ULBP1: variants seen among roughly 807,000 people sequenced by gnomAD.
ULBP1 encodes the protein UL16 binding protein 1.
ULBP1 carries 28 observed loss-of-function variants against 25.3 expected under a neutral mutation model. That is an observed-to-expected ratio of 1.10 (90% CI 0.82 to 1.51). ULBP1 has a LOEUF of 1.51. ULBP1 is among the 40% of genes most tolerant of loss of function. The pLI is 0.00. For missense variants in ULBP1, 348 were observed against 290.9 expected (o/e 1.20, Z -1.43); for synonymous variants, 129 against 103.0 (o/e 1.25, Z -1.53).
At chr6:149,969,645 T>C (rs1411121934) in intron 3 of ULBP1, among the ~76,000 whole-genome samples, 1 of 152,188 alleles carries the variant, frequency 6.6e-6, no homozygotes. Flanking sequence ...TTCATTAGTG[T>C]TCCTTCCTCC....
intron 1 of ULBP1, among the ~76,000 whole-genome samples, chr6:149,968,068 C>T (rs550573792): frequency 3.3e-5 from 5 of 152,342 alleles, no homozygotes; most frequent in African/African-American, 1.2e-4. Flanking sequence ...TGAACCATCC[C>T]TTTACAAGGT....
Position 149,969,115 on chromosome 6 carries a change from G to T in ULBP1, c.380G>T (p.Cys127Phe), listed in dbSNP as rs1779259212. ...EPLTLQARMS[C>F]EHEAHGHGRG... ...CTCACCCTGCAGGCCAGGATGTCTT[G>T]TGAGCATGAAGCCCATGGACACGGC... is the stretch of plus-strand genomic sequence containing the variant. Residue 127 changes from cysteine (C) to phenylalanine (F), a missense_variant, in exon 3 of 5, where the codon TGT (cysteine) becomes TTT (phenylalanine). Coordinates refer to ENST00000229708, the MANE Select transcript of ULBP1 (RefSeq NM_025218.4). 2 of 1,614,120 alleles carry T rather than the reference G, an allele frequency of 1.2e-6. No individual in the cohort carries two copies. Among genetic ancestry groups the T allele is most frequent in the Non-Finnish European group, 1.7e-6 (2 of 1,180,046 alleles).
intron 3 of ULBP1, among the ~76,000 whole-genome samples, 192 bp from the exon 4 acceptor site, chr6:149,969,824 G>A (rs1779281231): frequency 6.6e-6 from 1 of 152,182 alleles, no homozygotes; most frequent in Admixed American, 6.5e-5. Flanking sequence ...CTTAGCAGAT[G>A]TGTGAGCTCC....
rs1483261271 is a variant in ULBP1, at chr6:149,968,683, C to T, written c.162C>T (p.Gly54=). The T allele has an allele frequency of 6.2e-7, 1 of 1,614,136 alleles. No homozygotes were observed. Among genetic ancestry groups the T allele is most frequent in the Admixed American group, 1.7e-5 (1 of 60,026 alleles). The change falls in exon 2 of 5, where the codon GGC becomes GGT. Residue 54 remains glycine, a synonymous_variant. Transcript: ENST00000229708. ...RPEPQWCEVQ[G]LVDERPFLHY... is the part of the protein sequence containing the mutation. Reference sequence around the variant, plus strand: ...AACCACAGTGGTGTGAAGTTCAAGGCCTGGTGGATGAAAGGCCTTTTCTTC... The same window carrying T: ...AACCACAGTGGTGTGAAGTTCAAGGTCTGGTGGATGAAAGGCCTTTTCTTC...
Position 149,968,883 on chromosome 6 carries a change from T to G in ULBP1, c.349+13T>G. 6.2e-7 allele frequency: 1 copy of G among 1,611,092 alleles called. No individual in the cohort carries two copies. The highest frequency in any genetic ancestry group is 1.1e-5 in the South Asian group (1 of 90,802). ...TTAATACCCATTGGTAAGTTTAAAA[T>G]GGCCCAGGGAGCAGACACAGTAGTA... On this transcript the variant is annotated intron_variant, in intron 2 of 4. Coordinates refer to ENST00000229708, the MANE Select transcript of ULBP1 (RefSeq NM_025218.4).
In ULBP1 at chr6:149,970,962, G is replaced by A. The variant is rs375542580; in HGVS notation, c.*23-407G>A. Among the ~76,000 whole-genome samples the A allele has an allele frequency of 3.7e-4, 57 of 152,342 alleles. No homozygotes were observed. In the South Asian group the frequency reaches 4.4e-3, roughly 12 times the overall value. ...GAGCTATGGGTGCAGCTCCCAGGGT[G>A]AGGAAAGGCTGAGAGTGAAGGGAAA... is the stretch of plus-strand genomic sequence containing the variant. On this transcript the variant is annotated intron_variant, in intron 4 of 4. Coordinates refer to ENST00000229708, the MANE Select transcript of ULBP1 (RefSeq NM_025218.4).
Position 149,968,670 on chromosome 6 carries a change from G to A in ULBP1, c.149G>A (p.Cys50Tyr), listed in dbSNP as rs1167718174. ...TPKSRPEPQW[C>Y]EVQGLVDERP... Reference sequence around the variant, plus strand: ...AAGTCCAGACCTGAACCACAGTGGTGTGAAGTTCAAGGCCTGGTGGATGAA... The same window carrying A: ...AAGTCCAGACCTGAACCACAGTGGTATGAAGTTCAAGGCCTGGTGGATGAA... The change falls in exon 2 of 5, where the codon TGT becomes TAT. Residue 50 changes from cysteine (C) to tyrosine (Y), a missense_variant. By Grantham distance (194) the Cys-to-Tyr change is radical (BLOSUM62 -2). Transcript: ENST00000229708. The A allele has an allele frequency of 6.2e-7, 1 of 1,614,066 alleles. No homozygotes were observed.
intron 1 of ULBP1, among the ~76,000 whole-genome samples, chr6:149,967,465 C>T (rs1311996867): frequency 2.6e-5 from 4 of 152,206 alleles, no homozygotes; most frequent in Admixed American, 6.5e-5. Context: ...AGATGTGGCT[C>T]AGTTCTCAAA....
At chr6:149,971,180 C>T (rs1779310267) in intron 4 of ULBP1, among the ~76,000 whole-genome samples, 189 bp from the exon 5 acceptor site, 1 of 152,134 alleles carries the variant, frequency 6.6e-6, no homozygotes, top group African/African-American at 2.4e-5. Context: ...CCTGGGCTGG[C>T]TCTGTGGTGT....
chr6:149,964,551 C>G (rs529139330), intron 1 of ULBP1, among the ~76,000 whole-genome samples: 1 of 150,064 alleles, frequency 6.7e-6, no homozygotes, highest in African/African-American at 2.5e-5. Flanking sequence ...CGCCCTCTCT[C>G]CGAGCAACGC....
chr6:149,969,328 T>A lies in ULBP1; in HGVS notation c.593T>A (p.Leu198Ter). The A allele has an allele frequency of 6.2e-7, 1 of 1,614,076 alleles. No individual in the cohort carries two copies. Reference sequence around the variant, plus strand: ...TGTAAGATGTGGCTTGAAGAATTTTTGATGTACTGGGAACAAATGCTGGAT... The same window carrying A: ...TGTAAGATGTGGCTTGAAGAATTTTAGATGTACTGGGAACAAATGCTGGAT... ...GDCKMWLEEF[L>*]MYWEQMLDPT... The change falls in exon 3 of 5, where the codon TTG (leucine) becomes TAG (stop). Residue 198 changes from leucine to a stop codon, truncating the protein, a stop_gained. Transcript: ENST00000229708. LOFTEE classifies it high-confidence loss of function.
Position 149,963,957 on chromosome 6 carries a change from G to T in ULBP1, c.-93G>T. The stretch of plus-strand genomic sequence containing the variant: ...TCCCGCCCAGTGTATCCCTGCGCGC[G>T]GCGGGCCGGGCTGGGCAGCTTTATA... On this transcript the variant is annotated 5_prime_UTR_variant, in exon 1 of 5. Transcript: ENST00000229708. The T allele has an allele frequency of 1.5e-6, 2 of 1,302,384 alleles. No individual in the cohort carries two copies. Among genetic ancestry groups the T allele is most frequent in the African/African-American group, 1.5e-5 (1 of 67,760 alleles). 80.7% of individuals were successfully genotyped at this position (1,302,384 alleles called of 1,614,324 possible). A position where few individuals can be genotyped will look rare whatever the true frequency, so the allele number is the denominator to read the frequency against.
chr6:149,971,149 C>T (rs1218099907), intron 4 of ULBP1, among the ~76,000 whole-genome samples: 2 of 152,126 alleles, frequency 1.3e-5, no homozygotes, highest in Non-Finnish European at 2.9e-5. Flanking sequence ...CAGTTGTGAG[C>T]CCCCCTGGGC....
chr6:149,964,433 G>T (rs924025213), intron 1 of ULBP1, among the ~76,000 whole-genome samples: 2 of 149,664 alleles, frequency 1.3e-5, no homozygotes, highest in East Asian at 2.0e-4. Flanking sequence ...CGCCGGGTCC[G>T]CTTCCTGCGG....
Position 149,969,094 on chromosome 6 carries a change from C to T in ULBP1, c.359C>T (p.Thr120Ile). 3.7e-6 allele frequency: 6 copies of T among 1,614,178 alleles called. No homozygotes were observed. Among genetic ancestry groups the T allele is most frequent in the African/African-American group, 2.7e-5 (2 of 75,070 alleles). The change falls in exon 3 of 5, where the codon ACC (threonine) becomes ATC (isoleucine). Residue 120 changes from threonine to isoleucine, a missense_variant. By Grantham distance (89) the Thr-to-Ile change is moderately conservative. Transcript: ENST00000229708. Reference protein sequence around the residue: ...VENLIPIEPLTLQARMSCEHE... With the variant: ...VENLIPIEPLILQARMSCEHE... ...CTTTGCAATGGGGCAGAGCCCCTCA[C>T]CCTGCAGGCCAGGATGTCTTGTGAG...
chr6:149,968,099 G>A (rs562083290), intron 1 of ULBP1, among the ~76,000 whole-genome samples: 4 of 152,286 alleles, frequency 2.6e-5, no homozygotes, highest in African/African-American at 7.2e-5. Flanking sequence ...CATGCTCATA[G>A]CAGATGGGCA....
intron 4 of ULBP1, among the ~76,000 whole-genome samples, chr6:149,971,119 A>G (rs1779309004): frequency 6.6e-6 from 1 of 152,214 alleles, no homozygotes; most frequent in Non-Finnish European, 1.5e-5. Context: ...GTGAGGGTGC[A>G]GACCCCTCAT....
intron 1 of ULBP1, among the ~76,000 whole-genome samples, chr6:149,965,247 C>G (rs1319842493): frequency 1.6e-5 from 2 of 124,424 alleles, no homozygotes; most frequent in Non-Finnish European, 3.3e-5. Context: ...TCGCGGCCTC[C>G]CCGAACATCG....
In ULBP1 at chr6:149,972,369, A is replaced by C. The variant is rs534843817; in HGVS notation, c.*1023A>C. The C allele has an allele frequency of 5.3e-5, 8 of 152,310 alleles. No individual in the cohort carries two copies. The East Asian group carries it at 1.3e-3, about 26-fold the overall frequency. 9.4% of individuals were successfully genotyped at this position (152,310 alleles called of 1,614,324 possible). A position where few individuals can be genotyped will look rare whatever the true frequency, so the allele number is the denominator to read the frequency against. ...ATGTAAAATAATTCAATATGGATGAAAGATTTAAATATAAGTACTAAAACT... is the reference window on the plus strand; with the variant it reads ...ATGTAAAATAATTCAATATGGATGACAGATTTAAATATAAGTACTAAAACT... On this transcript the variant is annotated 3_prime_UTR_variant, in exon 5 of 5. Coordinates refer to ENST00000229708, the MANE Select transcript of ULBP1 (RefSeq NM_025218.4).
Sources: gnomAD v4.1 joint callset for allele counts (sites outside exome capture counted in the v4.1 genomes callset) on GRCh38, gnomAD v4.1.1 for gene constraint, MANE v1.5 for transcripts, NCBI Gene and HGNC (gene_info 2026-07-23, HGNC 2026-07-21) for gene names.